Variants in USP11 observed in about 807,000 individuals in gnomAD.
USP11 encodes the protein ubiquitin carboxyl-terminal hydrolase 11.
In USP11, 5 loss-of-function variants were observed where a neutral mutation model predicts 72.8. The ratio of observed to expected loss-of-function variants is 0.07; its 90% CI spans 0.04 to 0.14. USP11 has a LOEUF of 0.14. USP11 is among the 10% of genes least tolerant of loss of function. The pLI is 1.00. For missense variants in USP11, 480 were observed against 794.7 expected, an observed-to-expected ratio of 0.60 and a Z score of 4.76; for synonymous variants, 368 against 326.5, an observed-to-expected ratio of 1.13 and a Z score of -1.37.
chrX:47,233,767 GGGGCGTGCTCT>G, intron 1 of USP11: 3 of 46,684 alleles, frequency 6.4e-5, no homozygotes, highest in Non-Finnish European at 1.7e-4. Flanking sequence ...CGTGAGCTGA[GGGGCGTGCTCT>G]GAGGCCGAGG....
rs769069502 is a variant in USP11 at position 47,243,492 on chromosome X, C to T, written c.1680C>T (p.Tyr560=). The part of the protein sequence containing the change: ...YLRERTPARD[Y]NNSYYGLMLF... ...GGGAGCGCACCCCTGCCCGTGACTACAACAACTCCTACTACGGCCTGATGC... is the reference window on the plus strand; with the variant it reads ...GGGAGCGCACCCCTGCCCGTGACTATAACAACTCCTACTACGGCCTGATGC... The change falls in exon 13 of 21, where the codon TAC becomes TAT. Residue 560 remains tyrosine, a synonymous_variant. Coordinates refer to ENST00000377107, the MANE Select transcript of USP11 (RefSeq NM_001371072.1). 2 of 1,211,858 alleles carry T rather than the reference C, an allele frequency of 1.7e-6. No homozygotes were observed. Among genetic ancestry groups the T allele is most frequent in the South Asian group, 1.8e-5 (1 of 57,004 alleles).
rs372652752 is a variant in USP11 at position 47,239,353 on chromosome X, G to A, written c.289G>A (p.Glu97Lys). The change falls in exon 3 of 21, where the codon GAG (glutamate) becomes AAG (lysine). Residue 97 changes from glutamate (E) to lysine (K), a missense_variant and splice_region_variant. By Grantham distance (56) the Glu-to-Lys change is moderately conservative. Coordinates refer to ENST00000377107, the MANE Select transcript of USP11 (RefSeq NM_001371072.1). ...CCACCTCCACCCCCGCCCCACAGAT[G>A]AGATAAACTGGCGCCTCAAGGAGGG... ...CINNATLFQD[E>K]INWRLKEGLV... 8.3e-7 allele frequency: 1 copy of A among 1,209,284 alleles called. No individual in the cohort carries two copies. Among genetic ancestry groups the A allele is most frequent in the African/African-American group, 1.7e-5 (1 of 57,174 alleles).
In USP11 at chrX:47,247,915, C is replaced by G. The variant is rs757577797; in HGVS notation, c.2748C>G (p.Phe916Leu). The change falls in exon 21 of 21, where the codon TTC becomes TTG. Residue 916 changes from phenylalanine to leucine, a missense_variant. Around this residue, in one of 5 missense-constraint regions of USP11, gnomAD observed 314 missense variants for 556.0 expected, o/e 0.56. Coordinates refer to ENST00000377107, the MANE Select transcript of USP11 (RefSeq NM_001371072.1). ...GCAGCTCCCCACCCAGCTCTGAGTT[C>G]ATGGATGTTAATTGAGAGCCCTGGG... ...PACSSPPSSE[F>L]MDVN 21 of 1,180,641 alleles carry G rather than the reference C, an allele frequency of 1.8e-5. No individual in the cohort carries two copies. The African/African-American group carries it at 3.6e-4, about 20-fold the overall frequency.
At position 47,242,270 on chromosome X, in the gene USP11, C is replaced by T; in HGVS notation, c.1368C>T (p.Phe456=). The part of the protein sequence containing the change: ...PISHKRVLEV[F]FIPMDPRRKP... ...GCCACAAGAGGGTCTTGGAGGTCTT[C>T]TTTATCCCCATGGATCCGCGCCGCA... The change falls in exon 10 of 21, where the codon TTC becomes TTT. Residue 456 remains phenylalanine, a synonymous_variant. Transcript: ENST00000377107. 1 of 1,212,085 alleles carries T rather than the reference C, an allele frequency of 8.3e-7. No homozygotes were observed. Among genetic ancestry groups the T allele is most frequent in the Non-Finnish European group, 1.1e-6 (1 of 895,581 alleles).
intron 7 of USP11, 122 bp downstream of exon 7, chrX:47,240,998 C>T: frequency 1.4e-6 from 1 of 717,658 alleles, no homozygotes; most frequent in Non-Finnish European, 2.1e-6. Context: ...AAAGCTGAGG[C>T]CCCACAAGTC....
Position 47,244,553 on chromosome X carries a change from G to A in USP11, c.1843+3G>A, listed in dbSNP as rs773698292. 8.3e-7 allele frequency: 1 copy of A among 1,211,357 alleles called. No homozygotes were observed. The highest frequency in any genetic ancestry group is 1.8e-5 in the South Asian group (1 of 56,929). On this transcript the variant is annotated splice_donor_region_variant and intron_variant, in intron 14 of 20. Transcript: ENST00000377107. ...TGAGGACGATGGGGATGAGAAAGGT[G>A]AGGGGGCTAACAGTCAGTGGGCGGG... is the stretch of plus-strand genomic sequence containing the variant.
Position 47,233,035 on chromosome X carries a change from C to T in USP11, c.-9C>T. On this transcript the variant is annotated 5_prime_UTR_variant, in exon 1 of 21. In the 5' UTR this introduces an upstream ATG that the reference lacks. Transcript: ENST00000377107. The stretch of plus-strand genomic sequence containing the variant: ...CAGCTGCGTTGGCTGTAGAAGAGAA[C>T]GGACGGCGATGGCGACGGTCGCAGC... The T allele has an allele frequency of 8.3e-7, 1 of 1,211,497 alleles. No homozygotes were observed. Among genetic ancestry groups the T allele is most frequent in the East Asian group, 3.0e-5 (1 of 33,866 alleles).
At chrX:47,244,608 G>T (rs913860336) in intron 14 of USP11, 58 bp downstream of exon 14, 2 of 1,206,202 alleles carry the variant, frequency 1.7e-6, no homozygotes, top group Non-Finnish European at 2.2e-6. Context: ...CCCACGTAGG[G>T]TTCGTCTAGG....
chrX:47,244,413 G>C, intron 13 of USP11, 85 bp from the exon 14 acceptor site: 1 of 1,074,805 alleles, frequency 9.3e-7, no homozygotes, highest in Non-Finnish European at 1.3e-6. Context: ...TCTACCAATG[G>C]CTTCCCATTA....
At chrX:47,241,966 C>T (rs2055405601) in intron 9 of USP11, 116 bp from the exon 10 acceptor site, 2 of 835,342 alleles carry the variant, frequency 2.4e-6, no homozygotes, top group Admixed American at 5.6e-5. Context: ...CTAGCTGGAG[C>T]TCTGCCTCTG....
intron 1 of USP11, among the ~76,000 whole-genome samples, chrX:47,235,954 C>G (rs777706023): frequency 1.8e-5 from 2 of 111,946 alleles, no homozygotes; most frequent in African/African-American, 6.5e-5. Context: ...ACCTTTGTAG[C>G]CTTGTGATTG....
At chrX:47,233,547 CATA>C (rs2055356381) in intron 1 of USP11, 1 of 896,131 alleles carries the variant, frequency 1.1e-6, no homozygotes, top group East Asian at 5.8e-5. Context: ...GGTTCTGCTA[CATA>C]AGGCGGGGGC....
chrX:47,242,071 A>G lies in USP11; in HGVS notation c.1180-11A>G, dbSNP rs5906359. 2.5e-6 allele frequency: 3 copies of G among 1,206,327 alleles called. No homozygotes were observed. The highest frequency in any genetic ancestry group is 1.8e-5 in the South Asian group (1 of 56,116). ...GGCAAGCCCCACCACCCACCATGAC[A>G]CTATCAACAGGAGGTGGCACAGGAG... On this transcript the variant is annotated splice_polypyrimidine_tract_variant and intron_variant, in intron 9 of 20. Coordinates refer to ENST00000377107, the MANE Select transcript of USP11 (RefSeq NM_001371072.1).
chrX:47,241,830 G>C, intron 9 of USP11, 131 bp downstream of exon 9: 3 of 876,685 alleles, frequency 3.4e-6, no homozygotes, highest in Non-Finnish European at 4.6e-6. Flanking sequence ...CTCAACTCCA[G>C]CCTTACTCTT....
At chrX:47,243,762 C>T (rs2055416692) in intron 13 of USP11, among the ~76,000 whole-genome samples, 160 bp downstream of exon 13, 2 of 112,063 alleles carry the variant, frequency 1.8e-5, no homozygotes, top group Non-Finnish European at 3.8e-5. Flanking sequence ...CTCTAGACCT[C>T]TGGCTTTGCT....
At chrX:47,240,165 GC>G in intron 4 of USP11, 139 bp from the exon 5 acceptor site, 1 of 882,529 alleles carries the variant, frequency 1.1e-6, no homozygotes, top group East Asian at 3.4e-5. Flanking sequence ...TGGAGTGTGG[GC>G]CAGTCATTTG....
At chrX:47,239,638 G>A (rs1343614084) in intron 3 of USP11, 152 bp from the exon 4 acceptor site, 3 of 962,598 alleles carry the variant, frequency 3.1e-6, no homozygotes, top group Non-Finnish European at 4.3e-6. Flanking sequence ...TCTGCTGTGT[G>A]TGTTCCCCTG....
chrX:47,243,631 G>A (rs1336439812), intron 13 of USP11, 29 bp downstream of exon 13: 1 of 1,196,298 alleles, frequency 8.4e-7, no homozygotes, highest in Non-Finnish European at 1.1e-6. Context: ...GGGGGTGGGG[G>A]GCGGAGGGGT....
At chrX:47,244,641 G>A (rs746732933) in intron 14 of USP11, 41 bp from the exon 15 acceptor site, 36 of 1,203,278 alleles carry the variant, frequency 3.0e-5, no homozygotes, top group Middle Eastern at 4.6e-4. Context: ...CTTAGCACTT[G>A]AGGCTCACAC....
Sources: allele counts gnomAD v4.1 joint callset (sites outside exome capture counted in the v4.1 genomes callset), GRCh38; gene constraint gnomAD v4.1.1; regional missense constraint gnomAD v4.1.1; transcripts MANE v1.5; gene names NCBI Gene and HGNC (gene_info 2026-07-23, HGNC 2026-07-21).